Variants in PACRG observed in about 807,000 individuals in gnomAD.
The protein encoded by PACRG is parkin coregulated gene protein.
PACRG carries 29 observed loss-of-function variants against 29.7 expected under a neutral mutation model. That is an observed-to-expected ratio of 0.98 (90% CI 0.73 to 1.33). The LOEUF is 1.33. Among genes scored for constraint, PACRG ranks in the 40% most tolerant of loss-of-function variants. The pLI is 0.00. For missense variants in PACRG, 279 were observed against 316.2 expected (o/e 0.88, Z 0.89); for synonymous variants, 116 against 118.7 (o/e 0.98, Z 0.15).
rs543737577 is a variant in PACRG at position 163,063,319 on chromosome 6, C to T, written c.463+998C>T. Among the ~76,000 whole-genome samples, 4 of 152,170 alleles carry T rather than the reference C, an allele frequency of 2.6e-5. No individual in the cohort carries two copies. The South Asian group carries it at 8.3e-4, about 32-fold the overall frequency. ...CATGGCTTCGAGGGGTGAGGAGGCC[C>T]CTGCTCCCCCCGCCCCAAGTTCTAC... is the stretch of plus-strand genomic sequence containing the variant. On this transcript the variant is annotated intron_variant, in intron 3 of 4. Coordinates refer to ENST00000366888, the MANE Select transcript of PACRG (RefSeq NM_001080379.2).
chr6:163,041,215 T>C (rs1808674087), intron 2 of PACRG, among the ~76,000 whole-genome samples: 1 of 152,000 alleles, frequency 6.6e-6, no homozygotes, highest in Non-Finnish European at 1.5e-5. Flanking sequence ...CGGGCGCCTG[T>C]AGTCCCAGCT....
chr6:163,228,863 ACTGT>A (rs1781911982), intron 4 of PACRG, among the ~76,000 whole-genome samples: 1 of 152,214 alleles, frequency 6.6e-6, no homozygotes, highest in Non-Finnish European at 1.5e-5. Context: ...CTTGAAATTT[ACTGT>A]CTAATTCAAA....
intron 1 of PACRG, among the ~76,000 whole-genome samples, chr6:162,808,309 T>C: frequency 6.6e-6 from 1 of 152,222 alleles, no homozygotes; most frequent in East Asian, 1.9e-4. Context: ...AATTTCAGAT[T>C]GAACCTGATG....
At chr6:163,201,843 CCCCGGGTCCATTGCAAATGGAT>C (rs1420702865) in intron 4 of PACRG, among the ~76,000 whole-genome samples, 2 of 152,158 alleles carry the variant, frequency 1.3e-5, no homozygotes, top group Admixed American at 1.3e-4. Flanking sequence ...GATGTGGGAG[CCCCGGGTCCATTGCAAATGGAT>C]CCAGTCTAAT....
intron 2 of PACRG, among the ~76,000 whole-genome samples, chr6:162,855,167 C>T (rs2128432365): frequency 6.6e-6 from 1 of 152,310 alleles, no homozygotes; most frequent in Non-Finnish European, 1.5e-5. Context: ...TCGGCGTAAG[C>T]TGGAGATAAT....
chr6:163,176,551 AG>A (rs1166845483), intron 4 of PACRG, among the ~76,000 whole-genome samples: 9 of 152,184 alleles, frequency 5.9e-5, no homozygotes, highest in African/African-American at 2.2e-4. Flanking sequence ...AAAGAAAGAA[AG>A]GGGGGAGGGA....
At chr6:163,113,151 A>G (rs1002470687) in intron 4 of PACRG, among the ~76,000 whole-genome samples, 1 of 152,212 alleles carries the variant, frequency 6.6e-6, no homozygotes, top group Admixed American at 6.5e-5. Flanking sequence ...GTGGACAGAA[A>G]CATCATCTGT....
chr6:163,110,232 T>C (rs1449911954), intron 4 of PACRG, among the ~76,000 whole-genome samples: 1 of 152,242 alleles, frequency 6.6e-6, no homozygotes, highest in Non-Finnish European at 1.5e-5. Context: ...GTTCGCTTCC[T>C]GGTACCTGGT....
chr6:163,240,074 ACC>A (rs572724712), intron 4 of PACRG, among the ~76,000 whole-genome samples: 4 of 127,716 alleles, frequency 3.1e-5, no homozygotes, highest in Admixed American at 7.6e-5. Context: ...TCACACCTCC[ACC>A]CCCCCACACA....
At chr6:163,146,247 C>T (rs1193758045) in intron 4 of PACRG, among the ~76,000 whole-genome samples, 1 of 152,172 alleles carries the variant, frequency 6.6e-6, no homozygotes, top group South Asian at 2.1e-4. Context: ...ACTTGGCTTT[C>T]ACCACCACTT....
intron 2 of PACRG, among the ~76,000 whole-genome samples, chr6:162,957,094 A>C (rs1800107460): frequency 6.6e-6 from 1 of 151,772 alleles, no homozygotes; most frequent in South Asian, 2.1e-4. Flanking sequence ...TAGGCAGTAG[A>C]GTGAGACAGA....
intron 4 of PACRG, among the ~76,000 whole-genome samples, chr6:163,240,856 G>A (rs1782477169): frequency 6.6e-6 from 1 of 152,194 alleles, no homozygotes; most frequent in Non-Finnish European, 1.5e-5. Context: ...GTAAACGAGG[G>A]CTGCATCAGG....
chr6:163,186,899 G>A (rs913980055), intron 4 of PACRG, among the ~76,000 whole-genome samples: 1 of 152,316 alleles, frequency 6.6e-6, no homozygotes, highest in Admixed American at 6.5e-5. Context: ...CCAATTTGAC[G>A]GTTGTTTGGG....
chr6:163,000,524 G>A (rs749052564), intron 2 of PACRG, among the ~76,000 whole-genome samples: 1 of 152,120 alleles, frequency 6.6e-6, no homozygotes, highest in Non-Finnish European at 1.5e-5. Context: ...CATGTTGGGA[G>A]CCTTTGCAGA....
intron 2 of PACRG, among the ~76,000 whole-genome samples, chr6:163,056,685 A>C (rs747826635): frequency 1.6e-4 from 24 of 152,120 alleles, no homozygotes; most frequent in Non-Finnish European, 2.6e-4. Flanking sequence ...ATTTATGGTA[A>C]GTAGGTGCTC....
intron 2 of PACRG, among the ~76,000 whole-genome samples, chr6:162,939,313 A>G (rs1040667443): frequency 3.3e-5 from 5 of 152,184 alleles, no homozygotes; most frequent in African/African-American, 1.2e-4. Flanking sequence ...AGAAGATAAC[A>G]TTGGAAAAAC....
chr6:163,151,097 A>T (rs1778069344), intron 4 of PACRG, among the ~76,000 whole-genome samples: 1 of 152,230 alleles, frequency 6.6e-6, no homozygotes, highest in Non-Finnish European at 1.5e-5. Flanking sequence ...AAATTGAAAA[A>T]TACCCACTTT....
At chr6:163,004,063 T>A (rs1324747238) in intron 2 of PACRG, among the ~76,000 whole-genome samples, 1 of 152,096 alleles carries the variant, frequency 6.6e-6, no homozygotes, top group Non-Finnish European at 1.5e-5. Context: ...TGATCTTGAA[T>A]TAGAATTTAC....
At chr6:162,920,134 G>T (rs115536656) in intron 2 of PACRG, among the ~76,000 whole-genome samples, 28 of 150,400 alleles carry the variant, frequency 1.9e-4, no homozygotes, top group African/African-American at 7.0e-4. Flanking sequence ...ACAGAATGAA[G>T]AGCTAATGGG....
Sources: allele counts gnomAD v4.1 joint callset (sites outside exome capture counted in the v4.1 genomes callset), GRCh38; gene constraint gnomAD v4.1.1; transcripts MANE v1.5; gene names NCBI Gene and HGNC (gene_info 2026-07-23, HGNC 2026-07-21).